Variants in TRPM1 observed in about 807,000 individuals in gnomAD.
TRPM1 encodes TRPM1-203 APA Isoform, Intron 10.
A neutral mutation model predicts 149.4 loss-of-function variants in TRPM1; 113 were observed. The observed-to-expected ratio is 0.76, with a 90% confidence interval of 0.65 to 0.88. The LOEUF (loss-of-function observed/expected upper bound fraction) is 0.88. TRPM1 is among the 40% of genes least tolerant of loss of function. TRPM1 has a pLI of 0.00. For synonymous variants in TRPM1, 741 were observed against 759.5 expected (o/e 0.98, Z 0.40); for missense variants, 1,976 against 2,038.7 (o/e 0.97, Z 0.59).
In TRPM1 at chr15:31,026,241, C is replaced by G. The variant is rs2032743646; in HGVS notation, c.3527G>C (p.Arg1176Thr). 1 of 1,612,040 alleles carries G rather than the reference C, an allele frequency of 6.2e-7. No individual in the cohort carries two copies. Among genetic ancestry groups the G allele is most frequent in the Non-Finnish European group, 8.5e-7 (1 of 1,180,034 alleles). The part of the protein sequence containing the change: ...KLFLSDEELK[R>T]LHEFEEQCVQ... ...GCACTGCTCCTCGAACTCATGCAGC[C>G]TCTTTAGCTCCTCGTCGCTAAGGAA... is the stretch of plus-strand genomic sequence containing the variant. Residue 1176 changes from arginine to threonine, a missense_variant, in exon 27 of 28, where the codon AGG (arginine) becomes ACG (threonine). Transcript: ENST00000256552.
intron 1 of TRPM1, among the ~76,000 whole-genome samples, chr15:31,115,436 C>A (rs899247049): frequency 6.6e-6 from 1 of 152,048 alleles, no homozygotes; most frequent in African/African-American, 2.4e-5. Context: ...AACTGACACC[C>A]TGAAAAATGA....
intron 1 of TRPM1, among the ~76,000 whole-genome samples, chr15:31,115,309 TAAATA>T (rs2035784605): frequency 7.2e-5 from 11 of 151,916 alleles, no homozygotes; most frequent in Admixed American, 5.9e-4. Context: ...GATTTGGAAT[TAAATA>T]AATGAAAAAA....
intron 1 of TRPM1, among the ~76,000 whole-genome samples, chr15:31,147,461 A>T (rs1262457347): frequency 6.6e-6 from 1 of 152,254 alleles, no homozygotes; most frequent in Non-Finnish European, 1.5e-5. Flanking sequence ...AGAATTTTCT[A>T]GTGAAGAGGC....
chr15:31,036,052 C>G (rs2033353261), intron 20 of TRPM1: 1 of 334,394 alleles, frequency 3.0e-6, no homozygotes, highest in South Asian at 2.5e-5. Context: ...TCCTCCCTGC[C>G]TCAGAAATTT....
At position 31,106,950 on chromosome 15, in the gene TRPM1, T is replaced by G. The variant is rs73375919; in HGVS notation, c.55-29966A>C. 2.3e-3 allele frequency among the ~76,000 whole-genome samples: 350 copies of G among 152,348 alleles called. 2 individuals are homozygous for G. The highest frequency in any genetic ancestry group is 8.0e-3 in the African/African-American group (332 of 41,582). ...ACCAACAAAATACGTTGTTACACTT[T>G]TAGAATTTTGCCAATCTTATTAAGA... On this transcript the variant is annotated intron_variant, in intron 1 of 26. Coordinates refer to the TRPM1 transcript ENST00000542188.
In TRPM1 at chr15:31,160,869, C is replaced by T. The variant is rs2141070817; in HGVS notation, c.54+37G>A. The T allele has an allele frequency of 3.9e-6, 6 of 1,533,990 alleles. No individual in the cohort carries two copies. The Middle Eastern group carries it at 5.0e-4, about 128-fold the overall frequency. ...AGACCAGTGTCCCTCTGCCCTTCCG[C>T]CCAGCTGCCCGCAGGCCACTGGCAA... On this transcript the variant is annotated intron_variant, in intron 1 of 26. Coordinates refer to the TRPM1 transcript ENST00000542188.
At chr15:31,047,345 C>G (rs1386508963) in intron 14 of TRPM1, 94 bp from the exon 15 acceptor site, 19 of 1,421,146 alleles carry the variant, frequency 1.3e-5, no homozygotes, top group African/African-American at 1.4e-5. Flanking sequence ...TCCTGGCCCC[C>G]ACTTGGGAGT....
chr15:31,026,417 T>A (rs1226158208), intron 26 of TRPM1, 146 bp from the exon 27 acceptor site: 1 of 1,019,886 alleles, frequency 9.8e-7, no homozygotes, highest in Non-Finnish European at 1.5e-6. Context: ...TTGATTTTTA[T>A]CTAAAAAGGG....
At chr15:31,034,741 T>C (rs1227214355) in intron 21 of TRPM1, among the ~76,000 whole-genome samples, 2 of 152,246 alleles carry the variant, frequency 1.3e-5, no homozygotes, top group Non-Finnish European at 2.9e-5. Context: ...CTCTTGTATC[T>C]CTCTTTCTCC....
At chr15:31,071,406 C>T (rs1027334991) in intron 3 of TRPM1, among the ~76,000 whole-genome samples, 28 of 151,570 alleles carry the variant, frequency 1.8e-4, no homozygotes, top group African/African-American at 5.3e-4. Context: ...TGTGCGAATG[C>T]GTGCACGTGT....
Position 31,049,311 on chromosome 15 carries a change from C to T in TRPM1, c.1572+64G>A, listed in dbSNP as rs2033870492. The T allele has an allele frequency of 2.5e-6, 4 of 1,610,922 alleles. No homozygotes were observed. The South Asian group carries it at 4.4e-5, about 18-fold the overall frequency. ...GATGAGCACATTTATGCACAATATGCACCAGTGACAAACACATTTAGGTGG... is the reference window on the plus strand; with the variant it reads ...GATGAGCACATTTATGCACAATATGTACCAGTGACAAACACATTTAGGTGG... On this transcript the variant is annotated intron_variant, in intron 13 of 27. Transcript: ENST00000256552.
At chr15:31,141,409 TGAG>T in intron 1 of TRPM1, among the ~76,000 whole-genome samples, 1 of 152,230 alleles carries the variant, frequency 6.6e-6, no homozygotes, top group East Asian at 1.9e-4. Flanking sequence ...TAGAAGGACA[TGAG>T]GATATACCTT....
chr15:31,065,025 C>T (rs764233404), intron 7 of TRPM1: 1 of 534,282 alleles, frequency 1.9e-6, no homozygotes, highest in Non-Finnish European at 3.8e-6. Flanking sequence ...GGCTGGAGTC[C>T]TCGAAGCTCC....
chr15:31,095,267 A>G (rs149915953), intron 1 of TRPM1, among the ~76,000 whole-genome samples: 254 of 152,350 alleles, frequency 1.7e-3, no homozygotes, highest in African/African-American at 5.8e-3. Flanking sequence ...TTTACTTTGT[A>G]GTGTTGGAAG....
At chr15:31,108,678 G>C (rs1450371308) in intron 1 of TRPM1, among the ~76,000 whole-genome samples, 1 of 152,152 alleles carries the variant, frequency 6.6e-6, no homozygotes, top group Middle Eastern at 3.2e-3. Flanking sequence ...TATTTTAGTG[G>C]AGACAGCGTT....
intron 1 of TRPM1, among the ~76,000 whole-genome samples, chr15:31,109,009 G>A (rs1408649835): frequency 2.6e-5 from 4 of 152,156 alleles, no homozygotes; most frequent in African/African-American, 9.7e-5. Context: ...GTGCTGTGTG[G>A]AGATATGGGA....
At chr15:31,058,255 T>C (rs920465667) in intron 11 of TRPM1, among the ~76,000 whole-genome samples, 3 of 152,024 alleles carry the variant, frequency 2.0e-5, no homozygotes, top group African/African-American at 7.3e-5. Context: ...GAGAATCAAT[T>C]AGAAATGTGG....
intron 1 of TRPM1, among the ~76,000 whole-genome samples, chr15:31,089,430 C>T (rs2140997885): frequency 1.3e-5 from 2 of 152,310 alleles, no homozygotes; most frequent in South Asian, 2.1e-4. Flanking sequence ...TGGCTTGATG[C>T]CTATGACAGG....
At chr15:31,027,635 C>A (rs2032844319) in intron 25 of TRPM1, among the ~76,000 whole-genome samples, 1 of 152,132 alleles carries the variant, frequency 6.6e-6, no homozygotes, top group African/African-American at 2.4e-5. Context: ...ATACTGGGAC[C>A]TTAGGAAAAC....
Sources: gnomAD v4.1 joint callset for allele counts (sites outside exome capture counted in the v4.1 genomes callset) on GRCh38, gnomAD v4.1.1 for gene constraint, MANE v1.5 for transcripts, NCBI Gene and HGNC (gene_info 2026-07-23, HGNC 2026-07-21) for gene names.